CNBD1: variants seen among roughly 807,000 people sequenced by gnomAD.
CNBD1 encodes cyclic nucleotide binding domain containing 1.
CNBD1 carries 71 observed loss-of-function variants against 54.4 expected under a neutral mutation model. The observed-to-expected ratio is 1.30, with a 90% CI of 1.08 to 1.59. CNBD1 has a LOEUF of 1.59. Ranked by LOEUF, CNBD1 falls within the 40% of genes most tolerant of loss-of-function variation. CNBD1 has a pLI of 0.00. For synonymous variants in CNBD1, 182 were observed against 170.7 expected, an observed-to-expected ratio of 1.07 and a Z score of -0.51; for missense variants, 659 against 518.0, an observed-to-expected ratio of 1.27 and a Z score of -2.64.
At chr8:87,234,176 A>C (rs772391509) in intron 5 of CNBD1, among the ~76,000 whole-genome samples, 10 of 152,090 alleles carry the variant, frequency 6.6e-5, no homozygotes, top group Non-Finnish European at 1.2e-4. Flanking sequence ...CTCCTCCACC[A>C]AAGCCTTGAA....
At position 87,205,984 on chromosome 8, in the gene CNBD1, T is replaced by C; in HGVS notation, c.432-9T>C. The C allele has an allele frequency of 6.8e-7, 1 of 1,471,242 alleles. No homozygotes were observed. The highest frequency in any genetic ancestry group is 9.0e-7 in the Non-Finnish European group (1 of 1,114,698). 91.1% of individuals were successfully genotyped at this position (1,471,242 alleles called of 1,614,324 possible). ...GGTCTCTGAATTTGTATTTTTTTTT[T>C]TTTTTGAGGCCCATTCACAGGACGC... On this transcript the variant is annotated splice_polypyrimidine_tract_variant and intron_variant, in intron 4 of 10. Coordinates refer to ENST00000518476, the MANE Select transcript of CNBD1 (RefSeq NM_173538.3).
chr8:86,933,651 A>G (rs1809495943), intron 3 of CNBD1, among the ~76,000 whole-genome samples: 1 of 152,206 alleles, frequency 6.6e-6, no homozygotes, highest in Non-Finnish European at 1.5e-5. Context: ...CATGTCACCT[A>G]GAGAAATAGT....
At chr8:86,909,847 T>C (rs535447815) in intron 3 of CNBD1, among the ~76,000 whole-genome samples, 1 of 152,338 alleles carries the variant, frequency 6.6e-6, no homozygotes, top group African/African-American at 2.4e-5. Flanking sequence ...TTGTGTTAAA[T>C]TGGACAGTAT....
intron 4 of CNBD1, among the ~76,000 whole-genome samples, chr8:87,041,623 C>A (rs1048935469): frequency 1.3e-5 from 2 of 152,020 alleles, no homozygotes; most frequent in East Asian, 3.9e-4. Context: ...ACGGTGAAAC[C>A]CCGTCTCTAC....
intron 8 of CNBD1, among the ~76,000 whole-genome samples, chr8:87,297,368 T>C (rs1467430576): frequency 6.6e-6 from 1 of 152,006 alleles, no homozygotes; most frequent in African/African-American, 2.4e-5. Flanking sequence ...TGCCACATTT[T>C]AAATGCTCAA....
intron 4 of CNBD1, among the ~76,000 whole-genome samples, chr8:86,947,435 G>A (rs749801585): frequency 1.2e-4 from 18 of 152,026 alleles, no homozygotes; most frequent in Non-Finnish European, 2.2e-4. Flanking sequence ...TGTACAGCAA[G>A]GTCCATCAGT....
chr8:86,929,416 T>A (rs1036443890), intron 3 of CNBD1, among the ~76,000 whole-genome samples: 2 of 152,212 alleles, frequency 1.3e-5, no homozygotes, highest in African/African-American at 4.8e-5. Context: ...GGAAGAGGCT[T>A]ACTTTCAAGT....
chr8:87,277,154 G>C (rs980752473), intron 6 of CNBD1, among the ~76,000 whole-genome samples: 4 of 151,324 alleles, frequency 2.6e-5, no homozygotes, highest in Non-Finnish European at 5.9e-5. Flanking sequence ...ATGGAGGCTG[G>C]CAAGTCCAAA....
At chr8:87,398,987 A>G (rs571339668) in intron 2 of CNBD1, among the ~76,000 whole-genome samples, 83 of 152,126 alleles carry the variant, frequency 5.5e-4, no homozygotes, top group African/African-American at 1.8e-3. Context: ...TCACTGCTTA[A>G]TTCTTTATTT....
chr8:87,211,750 G>T (rs1385357598), intron 5 of CNBD1, among the ~76,000 whole-genome samples: 1 of 152,170 alleles, frequency 6.6e-6, no homozygotes, highest in Non-Finnish European at 1.5e-5. Context: ...CATGCAGCCT[G>T]CAGAGCCATG....
At chr8:86,982,012 G>A (rs965159607) in intron 4 of CNBD1, among the ~76,000 whole-genome samples, 4 of 152,140 alleles carry the variant, frequency 2.6e-5, no homozygotes, top group Non-Finnish European at 4.4e-5. Flanking sequence ...GGTGTACCAA[G>A]TTTCACTACT....
chr8:86,986,047 C>A (rs1808599699), intron 4 of CNBD1, among the ~76,000 whole-genome samples: 1 of 152,242 alleles, frequency 6.6e-6, no homozygotes, highest in Admixed American at 6.5e-5. Flanking sequence ...TCTCCTGCCT[C>A]AGCCTCCCAA....
intron 3 of CNBD1, among the ~76,000 whole-genome samples, chr8:86,932,961 G>C (rs1406518193): frequency 6.6e-6 from 1 of 152,102 alleles, no homozygotes; most frequent in African/African-American, 2.4e-5. Flanking sequence ...GACCAAGGAA[G>C]GTCGTATTTA....
intron 4 of CNBD1, among the ~76,000 whole-genome samples, chr8:87,178,089 T>C (rs1205982722): frequency 6.6e-6 from 1 of 152,204 alleles, no homozygotes; most frequent in Non-Finnish European, 1.5e-5. Context: ...AAATAATAAT[T>C]CCTTCAATAA....
At chr8:87,231,936 A>G (rs1180301862) in intron 5 of CNBD1, among the ~76,000 whole-genome samples, 3 of 152,182 alleles carry the variant, frequency 2.0e-5, no homozygotes, top group Non-Finnish European at 4.4e-5. Context: ...TGTCTGTCCC[A>G]TAGGGGCAAT....
chr8:87,419,373 T>C (rs948305126), intron 2 of CNBD1, among the ~76,000 whole-genome samples: 7 of 151,860 alleles, frequency 4.6e-5, no homozygotes, highest in African/African-American at 7.2e-5. Context: ...TGGAATTAGA[T>C]ATGGTTCCAC....
At chr8:86,937,113 G>A (rs971318746) in intron 3 of CNBD1, among the ~76,000 whole-genome samples, 5 of 152,126 alleles carry the variant, frequency 3.3e-5, no homozygotes, top group African/African-American at 1.2e-4. Flanking sequence ...GGCTGAGGTA[G>A]GACTCACAAT....
At chr8:87,295,743 G>C (rs1808865488) in intron 8 of CNBD1, among the ~76,000 whole-genome samples, 1 of 152,040 alleles carries the variant, frequency 6.6e-6, no homozygotes, top group Non-Finnish European at 1.5e-5. Flanking sequence ...CATTTAGAAG[G>C]AAAGTTGGAT....
chr8:87,320,621 G>C (rs116296388), intron 8 of CNBD1, among the ~76,000 whole-genome samples: 2 of 146,994 alleles, frequency 1.4e-5, no homozygotes, highest in African/African-American at 5.1e-5. Context: ...TGTGTGTGTG[G>C]GGGGGCGGCT....
Sources: allele counts gnomAD v4.1 joint callset (sites outside exome capture counted in the v4.1 genomes callset), GRCh38; gene constraint gnomAD v4.1.1; transcripts MANE v1.5; gene names NCBI Gene and HGNC (gene_info 2026-07-23, HGNC 2026-07-21).